Variants in SETD2 observed in about 807,000 individuals in gnomAD.
SETD2 encodes SET domain containing 2, histone lysine methyltransferase, also known as histone-lysine N-methyltransferase SETD2.
SETD2 carries 31 observed loss-of-function variants against 242.1 expected under a neutral mutation model. That is an observed-to-expected ratio of 0.13 (90% CI 0.10 to 0.17). SETD2 has a LOEUF of 0.17. Ranked by LOEUF, SETD2 falls within the 10% of genes least tolerant of loss-of-function variation. The pLI is 1.00. For synonymous variants in SETD2, 1,006 were observed against 1,066.5 expected (o/e 0.94, Z 1.11); for missense variants, 2,481 against 3,046.3 (o/e 0.81, Z 4.37).
At chr3:47,131,246 G>GA (rs2043467726) in intron 1 of SETD2, among the ~76,000 whole-genome samples, 1 of 152,202 alleles carries the variant, frequency 6.6e-6, no homozygotes, top group South Asian at 2.1e-4. Flanking sequence ...TTTAGAAGAT[G>GA]AAATAATCTT....
Position 47,123,126 on chromosome 3 carries a change from T to C in SETD2, c.1510A>G (p.Met504Val), listed in dbSNP as rs753100818. Residue 504 changes from methionine to valine, a missense_variant, in exon 3 of 21, where the codon ATG becomes GTG. Physicochemically the swap from Met to Val is conservative, Grantham distance 21. This residue lies in a region of SETD2 where 1,300 missense variants were observed against 1,259.2 expected (regional missense o/e 1.03). Coordinates refer to ENST00000409792, the MANE Select transcript of SETD2 (RefSeq NM_014159.7). ...DCKTETSYLEMERRGKYSSKL... is the reference protein window; with the variant it reads ...DCKTETSYLEVERRGKYSSKL... ...GAAGAATACTTGCCTCTTCTTTCCATCTCTAAGTAAGAGGTCTCAGTTTTA... is the reference window on the plus strand; with the variant it reads ...GAAGAATACTTGCCTCTTCTTTCCACCTCTAAGTAAGAGGTCTCAGTTTTA... 9 of 1,613,080 alleles carry C rather than the reference T, an allele frequency of 5.6e-6. No individual in the cohort carries two copies. The South Asian group carries it at 6.6e-5, about 12-fold the overall frequency.
At chr3:47,026,560 T>C (rs1263262291) in intron 18 of SETD2, among the ~76,000 whole-genome samples, 1 of 152,104 alleles carries the variant, frequency 6.6e-6, no homozygotes, top group East Asian at 1.9e-4. Context: ...AACCCAAATG[T>C]CCATCAACTA....
chr3:47,089,840 A>G (rs1333079702), intron 9 of SETD2, among the ~76,000 whole-genome samples: 4 of 152,230 alleles, frequency 2.6e-5, no homozygotes, highest in African/African-American at 9.6e-5. Flanking sequence ...GGAAAGGGTA[A>G]GCAAAGTAGT....
chr3:47,103,276 G>T (rs2107687742), intron 7 of SETD2, 70 bp downstream of exon 7: 1 of 974,550 alleles, frequency 1.0e-6, no homozygotes, highest in Non-Finnish European at 1.7e-6. Flanking sequence ...TTAGATATGG[G>T]ATCTAAAATT....
chr3:47,080,130 T>C (rs1474224215), intron 12 of SETD2, among the ~76,000 whole-genome samples: 3 of 152,228 alleles, frequency 2.0e-5, no homozygotes, highest in African/African-American at 7.2e-5. Flanking sequence ...TTTAGGCAAC[T>C]CTATGTTTTA....
intron 1 of SETD2, chr3:47,145,543 C>T (rs1279123166): frequency 7.2e-6 from 3 of 415,458 alleles, no homozygotes; most frequent in Admixed American, 4.9e-5. Context: ...GTGCATGCCA[C>T]CATGCCCAGC....
intron 9 of SETD2, 32 bp downstream of exon 9, chr3:47,097,923 T>A (rs559315267): frequency 6.2e-7 from 1 of 1,607,806 alleles, no homozygotes; most frequent in Admixed American, 1.7e-5. Flanking sequence ...AAATTTTTTA[T>A]TGTGAAAGTT....
At chr3:47,150,099 G>A (rs2043951115) in intron 1 of SETD2, among the ~76,000 whole-genome samples, 1 of 134,752 alleles carries the variant, frequency 7.4e-6, no homozygotes, top group Non-Finnish European at 1.5e-5. Context: ...GCGCAATCTC[G>A]GCTCACTACA....
intron 1 of SETD2, among the ~76,000 whole-genome samples, chr3:47,143,506 A>G (rs1489696782): frequency 6.6e-6 from 1 of 152,216 alleles, no homozygotes; most frequent in African/African-American, 2.4e-5. Flanking sequence ...CAGAAAAATA[A>G]GAGTATTTTT....
chr3:47,059,872 C>T (rs1009094272), intron 14 of SETD2, among the ~76,000 whole-genome samples: 9 of 152,164 alleles, frequency 5.9e-5, no homozygotes, highest in Non-Finnish European at 1.3e-4. Flanking sequence ...CAACCTCTGC[C>T]TCCTGGGTTC....
intron 1 of SETD2, among the ~76,000 whole-genome samples, chr3:47,135,448 A>T (rs1286187718): frequency 6.6e-6 from 1 of 151,844 alleles, no homozygotes; most frequent in Non-Finnish European, 1.5e-5. Context: ...GCTAATTTTT[A>T]TATTTTTTGT....
chr3:47,064,585 G>T, intron 13 of SETD2: 1 of 368,220 alleles, frequency 2.7e-6, no homozygotes, highest in Non-Finnish European at 5.8e-6. Flanking sequence ...CTGCACCTTA[G>T]AATATGTGAG....
chr3:47,116,351 T>TA (rs1191516962), intron 4 of SETD2, among the ~76,000 whole-genome samples: 3 of 152,154 alleles, frequency 2.0e-5, no homozygotes, highest in African/African-American at 7.2e-5. Context: ...TTATAAAAGA[T>TA]AAAAAAGTAC....
At chr3:47,050,310 C>T (rs958708140) in intron 15 of SETD2, among the ~76,000 whole-genome samples, 2 of 152,188 alleles carry the variant, frequency 1.3e-5, no homozygotes, top group South Asian at 4.1e-4. Context: ...TATAAACACA[C>T]ACACTAGCCT....
chr3:47,061,684 T>C (rs2040337285), intron 14 of SETD2, among the ~76,000 whole-genome samples: 1 of 152,200 alleles, frequency 6.6e-6, no homozygotes, highest in Admixed American at 6.5e-5. Context: ...AAAAAGAACT[T>C]GTCTGGGATA....
At chr3:47,149,360 C>G (rs1268969915) in intron 1 of SETD2, among the ~76,000 whole-genome samples, 2 of 151,758 alleles carry the variant, frequency 1.3e-5, no homozygotes, top group Admixed American at 1.3e-4. Context: ...AAATCACACT[C>G]ATGGCAAGTC....
Position 47,124,376 on chromosome 3 carries a change from C to T in SETD2, c.260G>A (p.Arg87Lys), listed in dbSNP as rs948019386. The change falls in exon 3 of 21, where the codon AGG becomes AAG. Residue 87 changes from arginine (R) to lysine (K), a missense_variant. Arg to Lys is a conservative substitution (Grantham distance 26). Around this residue, in one of 17 missense-constraint regions of SETD2, gnomAD observed 334 missense variants for 374.5 expected, o/e 0.89. Coordinates refer to ENST00000409792, the MANE Select transcript of SETD2 (RefSeq NM_014159.7). ...FSLTKKTLQN[R>K]FLTALGNEKQ... ...TTCATTGCCAAGTGCAGTGAGAAACCTATTCTGCAAAGTTTTCTTTGTAAG... is the reference window on the plus strand; with the variant it reads ...TTCATTGCCAAGTGCAGTGAGAAACTTATTCTGCAAAGTTTTCTTTGTAAG... The T allele has an allele frequency of 1.3e-6, 2 of 1,551,912 alleles. No homozygotes were observed. Among genetic ancestry groups the T allele is most frequent in the African/African-American group, 2.7e-5 (2 of 73,164 alleles).
chr3:47,068,493 C>CTTTTT (rs573954456), intron 12 of SETD2, among the ~76,000 whole-genome samples: 1 of 108,702 alleles, frequency 9.2e-6, no homozygotes, highest in Non-Finnish European at 1.8e-5. Context: ...AATACACTAT[C>CTTTTT]TTTTTTTTTT....
chr3:47,147,128 A>G (rs1413575440), intron 1 of SETD2, among the ~76,000 whole-genome samples: 2 of 152,006 alleles, frequency 1.3e-5, no homozygotes, highest in Non-Finnish European at 2.9e-5. Flanking sequence ...CTCCTGCCTC[A>G]GCCTCCCAAG....
Sources: allele counts gnomAD v4.1 joint callset (sites outside exome capture counted in the v4.1 genomes callset), GRCh38; gene constraint gnomAD v4.1.1; regional missense constraint gnomAD v4.1.1; transcripts MANE v1.5; gene names NCBI Gene and HGNC (gene_info 2026-07-23, HGNC 2026-07-21).